Variants in SCOC observed in about 807,000 individuals in gnomAD.
SCOC encodes short coiled coil protein.
A neutral mutation model predicts 9.9 loss-of-function variants in SCOC; 7 were observed. The ratio of observed to expected loss-of-function variants is 0.71; its 90% CI spans 0.40 to 1.33. The LOEUF (loss-of-function observed/expected upper bound fraction) is 1.33. Among genes scored for constraint, SCOC ranks in the 40% most tolerant of loss-of-function variants. SCOC has a pLI of 0.01. For synonymous variants in SCOC, 19 were observed against 28.2 expected, an observed-to-expected ratio of 0.67 and a Z score of 1.03; for missense variants, 66 against 89.7, an observed-to-expected ratio of 0.74 and a Z score of 1.07.
At chr4:140,289,491 T>C (rs963348816) in intron 1 of SCOC, among the ~76,000 whole-genome samples, 9 of 152,196 alleles carry the variant, frequency 5.9e-5, no homozygotes, top group Admixed American at 6.5e-5. Flanking sequence ...ACTTGAGATG[T>C]TAAGACTGTG....
intron 1 of SCOC, among the ~76,000 whole-genome samples, chr4:140,263,882 A>G (rs1254916115): frequency 6.6e-6 from 1 of 152,230 alleles, no homozygotes; most frequent in Non-Finnish European, 1.5e-5. Flanking sequence ...GAATAAGTCA[A>G]TAGAGTCTTC....
At chr4:140,267,792 C>G (rs1409865735) in intron 1 of SCOC, among the ~76,000 whole-genome samples, 3 of 152,138 alleles carry the variant, frequency 2.0e-5, no homozygotes, top group Non-Finnish European at 2.9e-5. Flanking sequence ...CTCACCCCAC[C>G]CTGGCTGGCC....
rs187843986 is a variant in SCOC at position 140,318,996 on chromosome 4, C to T, written c.-18-24625C>T. ...GGAAGCCTTCTATTCCTCCAGTTAT[C>T]CTTTTTGTTTCTTCTAACAAGGCTC... On this transcript the variant is annotated intron_variant, in intron 1 of 4. Transcript: ENST00000394205. 2.2e-3 allele frequency among the ~76,000 whole-genome samples: 337 copies of T among 152,268 alleles called. No individual in the cohort carries two copies. The Middle Eastern group carries it at 0.027, about 12-fold the overall frequency.
At chr4:140,352,946 C>G (rs1727043375) in intron 2 of SCOC, among the ~76,000 whole-genome samples, 2 of 152,060 alleles carry the variant, frequency 1.3e-5, no homozygotes, top group Non-Finnish European at 1.5e-5. Context: ...TTTTATTTAC[C>G]TGAGCTCATG....
intron 2 of SCOC, among the ~76,000 whole-genome samples, chr4:140,345,509 G>A (rs1156656363): frequency 6.6e-6 from 1 of 152,088 alleles, no homozygotes; most frequent in Non-Finnish European, 1.5e-5. Flanking sequence ...TGGTAACACT[G>A]GTTCATCTTT....
chr4:140,272,387 A>C (rs1286248661), intron 1 of SCOC, among the ~76,000 whole-genome samples: 3 of 152,222 alleles, frequency 2.0e-5, no homozygotes, highest in Non-Finnish European at 2.9e-5. Context: ...AGTAGGGTCC[A>C]GATCACCAAG....
intron 1 of SCOC, among the ~76,000 whole-genome samples, chr4:140,296,144 A>C: frequency 6.6e-6 from 1 of 152,032 alleles, no homozygotes; most frequent in East Asian, 1.9e-4. Context: ...GGCAGGGTCG[A>C]TCCACATGCC....
intron 1 of SCOC, among the ~76,000 whole-genome samples, chr4:140,328,734 G>A (rs1732724445): frequency 6.6e-6 from 1 of 152,116 alleles, no homozygotes; most frequent in Admixed American, 6.6e-5. Context: ...ATTTTTTAAA[G>A]CCTTTTGCCT....
At chr4:140,376,167 G>A (rs1201138186) in intron 1 of SCOC, among the ~76,000 whole-genome samples, 1 of 152,058 alleles carries the variant, frequency 6.6e-6, no homozygotes, top group Non-Finnish European at 1.5e-5. Flanking sequence ...GCAGTTTGGG[G>A]ATCAATACTA....
At chr4:140,352,016 T>TG (rs1727001735) in intron 2 of SCOC, among the ~76,000 whole-genome samples, 1 of 152,162 alleles carries the variant, frequency 6.6e-6, no homozygotes, top group Admixed American at 6.5e-5. Context: ...CTGGACATCT[T>TG]GGGAGACAAC....
At chr4:140,259,558 G>A (rs1730583191) in intron 1 of SCOC, among the ~76,000 whole-genome samples, 2 of 151,802 alleles carry the variant, frequency 1.3e-5, no homozygotes, top group African/African-American at 4.8e-5. Flanking sequence ...TCTATAAAAA[G>A]AAAAAAAAGT....
intron 2 of SCOC, among the ~76,000 whole-genome samples, chr4:140,344,942 TG>T (rs1416671032): frequency 6.6e-6 from 1 of 152,154 alleles, no homozygotes; most frequent in Non-Finnish European, 1.5e-5. Context: ...AAGTGGGGAC[TG>T]TTGGTGGTGC....
chr4:140,299,794 C>T (rs111274723), intron 1 of SCOC, among the ~76,000 whole-genome samples: 4,920 of 152,248 alleles, frequency 0.032, 243 homozygotes, highest in African/African-American at 0.11. Flanking sequence ...GTGGGCAGGG[C>T]TGGCTGCTGC....
At chr4:140,342,293 T>C (rs892891047), upstream of SCOC, among the ~76,000 whole-genome samples, 2 of 152,204 alleles carry the variant, frequency 1.3e-5, no homozygotes, top group African/African-American at 2.4e-5. Flanking sequence ...ATCATGCATC[T>C]CAAATGTCCC....
chr4:140,300,941 T>C (rs1026031581), intron 1 of SCOC, among the ~76,000 whole-genome samples: 1 of 152,126 alleles, frequency 6.6e-6, no homozygotes, highest in Admixed American at 6.5e-5. Context: ...TATCCATGGA[T>C]CAAGTGTGAG....
chr4:140,345,000 C>T (rs1449563855), intron 2 of SCOC, among the ~76,000 whole-genome samples: 1 of 152,156 alleles, frequency 6.6e-6, no homozygotes, highest in Non-Finnish European at 1.5e-5. Context: ...CACACCCCTT[C>T]AACTCTCCCC....
At chr4:140,319,516 A>G (rs1732435599) in intron 1 of SCOC, among the ~76,000 whole-genome samples, 1 of 152,170 alleles carries the variant, frequency 6.6e-6, no homozygotes, top group South Asian at 2.1e-4. Context: ...AAAAAAAAAT[A>G]CAATTTAGTG....
At chr4:140,272,750 G>A (rs918085199) in intron 1 of SCOC, among the ~76,000 whole-genome samples, 1 of 151,992 alleles carries the variant, frequency 6.6e-6, no homozygotes, top group Non-Finnish European at 1.5e-5. Context: ...CTTTTAATAC[G>A]GGAAGTGGAA....
intron 1 of SCOC, among the ~76,000 whole-genome samples, chr4:140,288,760 C>T (rs968632449): frequency 7.9e-5 from 12 of 152,058 alleles, no homozygotes; most frequent in Non-Finnish European, 1.6e-4. Flanking sequence ...ACACATCACC[C>T]TCATGCACAT....
Sources: gnomAD v4.1 joint callset for allele counts (sites outside exome capture counted in the v4.1 genomes callset) on GRCh38, gnomAD v4.1.1 for gene constraint, MANE v1.5 for transcripts, NCBI Gene and HGNC (gene_info 2026-07-23, HGNC 2026-07-21) for gene names.